Variants in MOXD1 observed in about 807,000 individuals in gnomAD.
The protein encoded by MOXD1 is monooxygenase DBH like 1, also known as DBH-like monooxygenase protein 1.
In MOXD1, 62 loss-of-function variants were observed where a neutral mutation model predicts 66.6. The observed-to-expected ratio is 0.93, with a 90% CI of 0.76 to 1.15. The LOEUF is 1.15. Ranked by LOEUF, MOXD1 falls within the 50% of genes most tolerant of loss-of-function variation. MOXD1 has a pLI of 0.00. For missense variants in MOXD1, 847 were observed against 754.6 expected (o/e 1.12, Z -1.44); for synonymous variants, 303 against 281.9 (o/e 1.07, Z -0.75).
intron 10 of MOXD1, among the ~76,000 whole-genome samples, chr6:132,303,359 T>C (rs541859220): frequency 1.5e-3 from 226 of 151,844 alleles, no homozygotes; most frequent in Middle Eastern, 3.4e-3. Context: ...AACAAATAAT[T>C]AAAAAGAAAT....
intron 4 of MOXD1, among the ~76,000 whole-genome samples, chr6:132,334,515 C>G (rs1208265898): frequency 6.6e-6 from 1 of 152,230 alleles, no homozygotes; most frequent in Non-Finnish European, 1.5e-5. Context: ...ACTAAGGACA[C>G]TGGAGATAAA....
At chr6:132,363,660 G>T (rs1053593510) in intron 4 of MOXD1, among the ~76,000 whole-genome samples, 3 of 152,108 alleles carry the variant, frequency 2.0e-5, no homozygotes, top group African/African-American at 7.2e-5. Flanking sequence ...ACATAAGCTT[G>T]CTGTGTCTCA....
At chr6:132,379,081 A>T (rs1016228434) in intron 1 of MOXD1, among the ~76,000 whole-genome samples, 2 of 150,820 alleles carry the variant, frequency 1.3e-5, no homozygotes, top group Admixed American at 6.6e-5. Context: ...AAAACTACAC[A>T]CCATCAACAC....
intron 4 of MOXD1, among the ~76,000 whole-genome samples, chr6:132,356,391 A>C (rs1439908358): frequency 1.3e-5 from 2 of 152,210 alleles, no homozygotes; most frequent in African/African-American, 4.8e-5. Context: ...AAAGACTAAA[A>C]TATCCAGTGC....
intron 5 of MOXD1, 30 bp downstream of exon 5, chr6:132,328,385 G>A: frequency 6.2e-7 from 1 of 1,608,376 alleles, no homozygotes; most frequent in Non-Finnish European, 8.5e-7. Context: ...TCAGTTAATT[G>A]TGTTACATCT....
intron 8 of MOXD1, 82 bp from the exon 9 acceptor site, chr6:132,320,770 T>C (rs1775062094): frequency 2.6e-6 from 3 of 1,162,184 alleles, no homozygotes; most frequent in African/African-American, 3.1e-5. Flanking sequence ...CAACAGTTAA[T>C]ATTTGCTGTA....
chr6:132,359,756 G>GA (rs1488395193), intron 4 of MOXD1, among the ~76,000 whole-genome samples: 11 of 152,120 alleles, frequency 7.2e-5, no homozygotes, highest in African/African-American at 2.4e-4. Context: ...AAAGTGCTGG[G>GA]ATTACAGGCG....
At chr6:132,341,445 G>A (rs1196516737) in intron 4 of MOXD1, among the ~76,000 whole-genome samples, 2 of 152,174 alleles carry the variant, frequency 1.3e-5, no homozygotes, top group Non-Finnish European at 2.9e-5. Flanking sequence ...GACATGTTTA[G>A]TAACTTGCCT....
chr6:132,364,202 A>G (rs1776071199), intron 4 of MOXD1, among the ~76,000 whole-genome samples: 1 of 152,178 alleles, frequency 6.6e-6, no homozygotes, highest in African/African-American at 2.4e-5. Flanking sequence ...CAAGAACAGG[A>G]GGAAATTAGC....
In MOXD1 at chr6:132,393,859, C is replaced by A. The variant is rs147778004; in HGVS notation, c.264+7304G>T. Among the ~76,000 whole-genome samples, 56 of 152,290 alleles carry A rather than the reference C, an allele frequency of 3.7e-4. 1 individual carries two copies. The highest frequency in any genetic ancestry group is 3.5e-3 in the East Asian group (18 of 5,172). ...CCTTGCCACCCCAACAAAAAGGCAG[C>A]TATACATTTTCATGTGCCATCTGCA... On this transcript the variant is annotated intron_variant, in intron 1 of 11. Coordinates refer to ENST00000367963, the MANE Select transcript of MOXD1 (RefSeq NM_015529.4).
rs560136158 is a variant in MOXD1, at chr6:132,297,353, C to T, written c.1678-36G>A. 1.6e-4 allele frequency: 256 copies of T among 1,604,134 alleles called. 2 individuals carry two copies. In the South Asian group the frequency reaches 2.8e-3, roughly 17 times the overall value. Reference sequence around the variant, plus strand: ...AAGCACAAACAATGCAAATGAACATCTGATTTAAGGCAGCACAGTGACCAG... The same window carrying T: ...AAGCACAAACAATGCAAATGAACATTTGATTTAAGGCAGCACAGTGACCAG... On this transcript the variant is annotated intron_variant, in intron 11 of 11. Transcript: ENST00000367963.
chr6:132,316,670 A>G (rs1340785798), intron 9 of MOXD1, among the ~76,000 whole-genome samples: 2 of 152,166 alleles, frequency 1.3e-5, no homozygotes, highest in African/African-American at 4.8e-5. Context: ...AGTGAACTTG[A>G]AGATTAATCA....
intron 10 of MOXD1, among the ~76,000 whole-genome samples, chr6:132,302,324 C>T (rs1265694852): frequency 6.6e-6 from 1 of 152,068 alleles, no homozygotes; most frequent in African/African-American, 2.4e-5. Flanking sequence ...ACAGAATGTG[C>T]ATAATGTCCT....
intron 1 of MOXD1, chr6:132,390,560 A>G (rs998972138): frequency 1.3e-5 from 2 of 151,608 alleles, no homozygotes; most frequent in Non-Finnish European, 3.0e-5. Context: ...GTTTTATCTC[A>G]TTCAATGTTG....
intron 4 of MOXD1, among the ~76,000 whole-genome samples, chr6:132,345,047 G>A (rs921431822): frequency 6.6e-6 from 1 of 152,078 alleles, no homozygotes; most frequent in Admixed American, 6.5e-5. Context: ...CCAACCCAGG[G>A]GCCACGGTCC....
intron 10 of MOXD1, among the ~76,000 whole-genome samples, chr6:132,312,450 T>C: frequency 6.6e-6 from 1 of 152,134 alleles, no homozygotes; most frequent in East Asian, 1.9e-4. Flanking sequence ...CCTTGTTAGT[T>C]TGGCCTTCAC....
intron 5 of MOXD1, 110 bp downstream of exon 5, chr6:132,328,305 A>G (rs915614546): frequency 7.1e-5 from 99 of 1,395,060 alleles, no homozygotes; most frequent in Non-Finnish European, 9.5e-5. Flanking sequence ...AGCCACCTTC[A>G]TATCAAAAGT....
chr6:132,401,106 TG>T, intron 1 of MOXD1, 56 bp downstream of exon 1: 1 of 1,418,966 alleles, frequency 7.0e-7, no homozygotes. Flanking sequence ...GCGCCCTCTC[TG>T]GGGTCCGGAC....
intron 1 of MOXD1, among the ~76,000 whole-genome samples, chr6:132,382,373 A>C (rs1776529620): frequency 6.6e-6 from 1 of 152,118 alleles, no homozygotes; most frequent in Non-Finnish European, 1.5e-5. Flanking sequence ...CTGCAAAGTG[A>C]AATATACTTG....
Sources: gnomAD v4.1 joint callset for allele counts (sites outside exome capture counted in the v4.1 genomes callset) on GRCh38, gnomAD v4.1.1 for gene constraint, MANE v1.5 for transcripts, NCBI Gene and HGNC (gene_info 2026-07-23, HGNC 2026-07-21) for gene names.